Variants in CPQ observed in about 807,000 individuals in gnomAD.
CPQ encodes carboxypeptidase Q, also known as Ser-Met dipeptidase.
In CPQ, 37 loss-of-function variants were observed where a neutral mutation model predicts 45.7. The observed-to-expected ratio is 0.81, with a 90% CI of 0.62 to 1.07. The LOEUF is 1.07. Among genes scored for constraint, CPQ ranks in the 50% least tolerant of loss-of-function variants. The pLI, the probability that CPQ is intolerant of heterozygous loss-of-function variation, is 0.00. For missense variants in CPQ, 537 were observed against 572.9 expected (o/e 0.94, Z 0.64); for synonymous variants, 186 against 205.8 (o/e 0.90, Z 0.82).
At chr8:97,025,485 C>G (rs1809783635) in intron 5 of CPQ, among the ~76,000 whole-genome samples, 1 of 152,162 alleles carries the variant, frequency 6.6e-6, no homozygotes, top group Non-Finnish European at 1.5e-5. Flanking sequence ...TGCCTCTCCT[C>G]TAACAAAACC....
chr8:96,742,174 A>G (rs1426975283), intron 1 of CPQ, among the ~76,000 whole-genome samples: 3 of 151,240 alleles, frequency 2.0e-5, no homozygotes, highest in Non-Finnish European at 4.4e-5. Context: ...TTGGGTGCAT[A>G]TATATTTAGG....
At chr8:96,704,891 A>G (rs187119802) in intron 1 of CPQ, among the ~76,000 whole-genome samples, 2 of 152,278 alleles carry the variant, frequency 1.3e-5, no homozygotes, top group African/African-American at 4.8e-5. Context: ...TAAGTAGACA[A>G]TTGGCTATAC....
At chr8:96,883,172 A>G (rs1290551279) in intron 4 of CPQ, among the ~76,000 whole-genome samples, 1 of 152,182 alleles carries the variant, frequency 6.6e-6, no homozygotes, top group Non-Finnish European at 1.5e-5. Flanking sequence ...TTATCCATTC[A>G]GCAATTGATG....
intron 1 of CPQ, among the ~76,000 whole-genome samples, chr8:96,708,238 T>C (rs1212067768): frequency 6.6e-6 from 1 of 152,070 alleles, no homozygotes; most frequent in Non-Finnish European, 1.5e-5. Context: ...ACCTTGATAA[T>C]CCAAGATAGT....
rs1180489733 is a variant in CPQ at position 97,055,441 on chromosome 8, C to T, written c.1054-10568C>T. ...ATATTCTGTAGACAACTTGAGGCTT[C>T]TTTAGTCATAAAGCCAAATAAATAA... On this transcript the variant is annotated intron_variant, in intron 6 of 7. Coordinates refer to ENST00000220763, the MANE Select transcript of CPQ (RefSeq NM_016134.4). 2.0e-5 allele frequency: 3 copies of T among 152,194 alleles called. No individual in the cohort carries two copies. The East Asian group carries it at 5.8e-4, about 29-fold the overall frequency. The allele number at this position is 152,194 out of a possible 1,614,324, so 9.4% of individuals were successfully genotyped here.
At chr8:97,137,804 C>A (rs1812088976) in intron 7 of CPQ, among the ~76,000 whole-genome samples, 1 of 152,044 alleles carries the variant, frequency 6.6e-6, no homozygotes, top group African/African-American at 2.4e-5. Context: ...TGGCAGGCGC[C>A]TGTAGTCCCG....
At chr8:97,077,372 G>A (rs1380714920) in intron 7 of CPQ, among the ~76,000 whole-genome samples, 1 of 152,188 alleles carries the variant, frequency 6.6e-6, no homozygotes, top group Non-Finnish European at 1.5e-5. Context: ...AGCATCCGCA[G>A]CATTTTACCA....
intron 1 of CPQ, among the ~76,000 whole-genome samples, chr8:96,724,274 C>T (rs928058991): frequency 2.0e-5 from 3 of 151,986 alleles, no homozygotes; most frequent in African/African-American, 7.3e-5. Context: ...ATATTATAGT[C>T]ATTCATACCT....
In CPQ at chr8:96,955,199, T is replaced by A. The variant is rs57299890; in HGVS notation, c.850-10736T>A. 1.5e-3 allele frequency among the ~76,000 whole-genome samples: 232 copies of A among 152,292 alleles called. 6 individuals are homozygous for A. The East Asian group carries it at 0.036, about 24-fold the overall frequency. On this transcript the variant is annotated intron_variant, in intron 4 of 7. Coordinates refer to ENST00000220763, the MANE Select transcript of CPQ (RefSeq NM_016134.4). ...CTGTCTTCCACAATGGTTGAACTAG[T>A]TTACAGTCCCACCAACAGTGTAAAA...
chr8:96,783,371 G>A (rs1810717280), intron 1 of CPQ, among the ~76,000 whole-genome samples: 1 of 152,008 alleles, frequency 6.6e-6, no homozygotes, highest in South Asian at 2.1e-4. Context: ...AACAGTCCAA[G>A]AATGAGGGGC....
intron 1 of CPQ, among the ~76,000 whole-genome samples, chr8:96,691,190 T>C (rs1412924501): frequency 6.6e-6 from 1 of 152,204 alleles, no homozygotes; most frequent in Non-Finnish European, 1.5e-5. Flanking sequence ...GAAGAATTCT[T>C]CCTTGCCTCT....
chr8:96,710,477 G>A (rs1411748518), intron 1 of CPQ, among the ~76,000 whole-genome samples: 1 of 152,102 alleles, frequency 6.6e-6, no homozygotes, highest in African/African-American at 2.4e-5. Flanking sequence ...TTTGATGCAA[G>A]CATTTAGACC....
At chr8:97,061,116 G>C (rs1037574929) in intron 6 of CPQ, among the ~76,000 whole-genome samples, 7 of 152,172 alleles carry the variant, frequency 4.6e-5, no homozygotes, top group Admixed American at 1.3e-4. Flanking sequence ...AGTTCTACAC[G>C]AATAGAAATC....
chr8:97,035,500 T>C (rs1214760198), intron 6 of CPQ, among the ~76,000 whole-genome samples: 1 of 152,220 alleles, frequency 6.6e-6, no homozygotes, highest in Non-Finnish European at 1.5e-5. Flanking sequence ...GGAGTCCTAG[T>C]TGCTCCCTAT....
chr8:96,930,783 T>C (rs1025909428), intron 4 of CPQ, among the ~76,000 whole-genome samples: 44 of 152,210 alleles, frequency 2.9e-4, no homozygotes, highest in African/African-American at 1.1e-3. Flanking sequence ...GGAAAAACTT[T>C]TGATGGGCAA....
chr8:96,970,387 CACT>C (rs1175916493), intron 5 of CPQ, among the ~76,000 whole-genome samples: 4 of 152,138 alleles, frequency 2.6e-5, no homozygotes, highest in Non-Finnish European at 4.4e-5. Context: ...CTAAGCACTC[CACT>C]GAGTACATAT....
chr8:97,130,331 G>A (rs965296146), intron 7 of CPQ, among the ~76,000 whole-genome samples: 16 of 151,488 alleles, frequency 1.1e-4, no homozygotes, highest in South Asian at 4.2e-4. Flanking sequence ...ACCTTGCCCC[G>A]TAATTCTGGA....
chr8:96,997,313 A>G (rs1489436434), intron 5 of CPQ, among the ~76,000 whole-genome samples: 1 of 151,952 alleles, frequency 6.6e-6, no homozygotes, highest in African/African-American at 2.4e-5. Flanking sequence ...GGAAAATCTT[A>G]CTTTTCTCCA....
intron 4 of CPQ, among the ~76,000 whole-genome samples, chr8:96,912,712 G>C (rs977110871): frequency 6.6e-6 from 1 of 152,130 alleles, no homozygotes; most frequent in Non-Finnish European, 1.5e-5. Context: ...GACCTACCTC[G>C]AAGGAGTATT....
Sources: allele counts gnomAD v4.1 joint callset (sites outside exome capture counted in the v4.1 genomes callset), GRCh38; gene constraint gnomAD v4.1.1; transcripts MANE v1.5; gene names NCBI Gene and HGNC (gene_info 2026-07-23, HGNC 2026-07-21).